Variants in ZNF600 observed in about 807,000 individuals in gnomAD.
ZNF600 encodes the protein zinc finger protein 600.
ZNF600 carries 4 observed loss-of-function variants against 7.3 expected under a neutral mutation model. That is an observed-to-expected ratio of 0.55 (90% CI 0.27 to 1.25). The LOEUF is 1.25. Among genes scored for constraint, ZNF600 ranks in the 50% most tolerant of loss-of-function variants. The probability of loss-of-function intolerance (pLI) is 0.12; values close to 1 mark genes in which losing one functional copy is unlikely to be tolerated. For missense variants in ZNF600, 911 were observed against 922.1 expected (o/e 0.99, Z 0.16); for synonymous variants, 290 against 308.9 (o/e 0.94, Z 0.64).
At chr19:52,810,088 G>A in the ZNF600 span, 1 of 774,830 alleles carries the variant, frequency 1.3e-6, no homozygotes, top group Non-Finnish European at 2.3e-6. Flanking sequence ...CCTCGTTCAG[G>A]AGCCACCGGC....
At chr19:52,810,466 G>A in the ZNF600 span, 1 of 1,592,984 alleles carries the variant, frequency 6.3e-7, no homozygotes, top group Non-Finnish European at 8.6e-7. Context: ...AAGAGTCAGT[G>A]AGGACTTCCT....
intron 3 of ZNF600, among the ~76,000 whole-genome samples, chr19:52,769,213 C>G (rs2062613254): frequency 6.6e-6 from 1 of 152,132 alleles, no homozygotes; most frequent in Non-Finnish European, 1.5e-5. Flanking sequence ...CCTCCACCAC[C>G]TCTTGCGGAG....
exon 4 of ZNF600, chr19:52,767,522 A>T (rs745390774): frequency 6.2e-7 from 1 of 1,614,050 alleles, no homozygotes; most frequent in Admixed American, 1.7e-5. Flanking sequence ...GCTTGTTTCC[A>T]GCATGCCTGT....
the ZNF600 span, among the ~76,000 whole-genome samples, chr19:52,815,562 C>T: frequency 4.1e-5 from 6 of 146,412 alleles, no homozygotes; most frequent in East Asian, 6.0e-4. Context: ...TGGTGGCTCA[C>T]GCCTGTAATC....
the ZNF600 span, among the ~76,000 whole-genome samples, chr19:52,826,773 G>C: frequency 9.9e-5 from 15 of 152,196 alleles, no homozygotes; most frequent in East Asian, 2.9e-3. Context: ...CTACTTGGGA[G>C]GCTGAGCCAG....
At chr19:52,785,541 G>A (rs905161763) in intron 1 of ZNF600, among the ~76,000 whole-genome samples, 2 of 152,054 alleles carry the variant, frequency 1.3e-5, no homozygotes, top group African/African-American at 2.4e-5. Flanking sequence ...GACCCACAGC[G>A]CCCGGTCCTT....
chr19:52,811,762 G>A, the ZNF600 span, among the ~76,000 whole-genome samples: 2 of 141,272 alleles, frequency 1.4e-5, no homozygotes, highest in Non-Finnish European at 3.1e-5. Flanking sequence ...GAGGGAGGTC[G>A]GGGGGGTCAG....
the ZNF600 span, among the ~76,000 whole-genome samples, chr19:52,802,912 C>T: frequency 2.8e-3 from 424 of 151,806 alleles, no homozygotes; most frequent in African/African-American, 9.7e-3. Flanking sequence ...AGGCACACAC[C>T]GCCATGTCCA....
chr19:52,771,660 C>T (rs1248125302), intron 3 of ZNF600, among the ~76,000 whole-genome samples: 10 of 152,012 alleles, frequency 6.6e-5, no homozygotes, highest in Non-Finnish European at 1.0e-4. Flanking sequence ...GTATTTTTAC[C>T]AGAGATGGGG....
At chr19:52,799,360 T>G in the ZNF600 span, 1 of 558,440 alleles carries the variant, frequency 1.8e-6, no homozygotes. Flanking sequence ...CTGTGTGGTT[T>G]CTCTTCAGCA....
chr19:52,809,421 C>T, the ZNF600 span, among the ~76,000 whole-genome samples: 125 of 152,200 alleles, frequency 8.2e-4, no homozygotes, highest in African/African-American at 2.9e-3. Context: ...GATGAAATAT[C>T]GAACTAAAAT....
the ZNF600 span, among the ~76,000 whole-genome samples, chr19:52,832,995 C>T: frequency 1.3e-5 from 2 of 152,104 alleles, no homozygotes; most frequent in Non-Finnish European, 2.9e-5. Flanking sequence ...TGGTCTCAAA[C>T]TCCTGACCTC....
chr19:52,782,724 C>T (rs979252442), intron 1 of ZNF600, among the ~76,000 whole-genome samples: 2 of 151,720 alleles, frequency 1.3e-5, no homozygotes, highest in East Asian at 1.9e-4. Flanking sequence ...ATACAAAAAT[C>T]GACAGGACAG....
the ZNF600 span, among the ~76,000 whole-genome samples, chr19:52,793,513 G>A: frequency 2.6e-5 from 4 of 152,172 alleles, no homozygotes; most frequent in African/African-American, 9.7e-5. Flanking sequence ...AGCCCGTGTG[G>A]CTGGAGCAGT....
At chr19:52,764,370 C>A (rs1027194201), downstream of ZNF600, 4 of 152,036 alleles carry the variant, frequency 2.6e-5, no homozygotes, top group Non-Finnish European at 4.4e-5. Flanking sequence ...ACCACCACCC[C>A]CCGGCTAACT....
At chr19:52,823,463 A>G in the ZNF600 span, among the ~76,000 whole-genome samples, 1 of 152,040 alleles carries the variant, frequency 6.6e-6, no homozygotes, top group Admixed American at 6.5e-5. Context: ...TGATCCACCC[A>G]CCTTAGCCTC....
the ZNF600 span, among the ~76,000 whole-genome samples, chr19:52,803,579 C>A: frequency 6.6e-6 from 1 of 152,178 alleles, no homozygotes; most frequent in Non-Finnish European, 1.5e-5. Flanking sequence ...CTTGTACTTA[C>A]CACCAGCACA....
At chr19:52,818,009 C>G in the ZNF600 span, 25 of 1,609,202 alleles carry the variant, frequency 1.6e-5, no homozygotes, top group African/African-American at 1.1e-4. Flanking sequence ...TCCTCACGTA[C>G]CAAGATTCTT....
chr19:52,833,163 G>T, the ZNF600 span, among the ~76,000 whole-genome samples: 9 of 152,266 alleles, frequency 5.9e-5, no homozygotes, highest in Admixed American at 5.9e-4. Flanking sequence ...GAATTTACCA[G>T]ATATCTGTGC....
Sources: gnomAD v4.1 joint callset for allele counts (sites outside exome capture counted in the v4.1 genomes callset) on GRCh38, gnomAD v4.1.1 for gene constraint, MANE v1.5 for transcripts, NCBI Gene and HGNC (gene_info 2026-07-23, HGNC 2026-07-21) for gene names.